TBC1D5: variants seen among roughly 807,000 people sequenced by gnomAD.
TBC1D5 encodes TBC1 domain family, member 5.
A neutral mutation model predicts 100.3 loss-of-function variants in TBC1D5; 75 were observed. That is an observed-to-expected ratio of 0.75 (90% CI 0.62 to 0.91). The LOEUF is 0.91. Among genes scored for constraint, TBC1D5 ranks in the 40% least tolerant of loss-of-function variants. The probability of loss-of-function intolerance (pLI) is 0.00; values close to 1 mark genes in which losing one functional copy is unlikely to be tolerated. For synonymous variants in TBC1D5, 323 were observed against 325.6 expected, an observed-to-expected ratio of 0.99 and a Z score of 0.09; for missense variants, 910 against 942.4, an observed-to-expected ratio of 0.97 and a Z score of 0.45.
chr3:17,258,374 T>A, intron 16 of TBC1D5, 132 bp downstream of exon 16: 1 of 836,404 alleles, frequency 1.2e-6, no homozygotes, highest in Non-Finnish European at 1.9e-6. Flanking sequence ...CTTGGGTAAT[T>A]TATTTAACAA....
chr3:17,648,014 C>T (rs965775653), intron 1 of TBC1D5, among the ~76,000 whole-genome samples: 8 of 152,126 alleles, frequency 5.3e-5, no homozygotes, highest in African/African-American at 1.7e-4. Flanking sequence ...AAAAAAGACA[C>T]CGAATAGCCA....
At chr3:17,280,606 T>C (rs764715312) in intron 15 of TBC1D5, among the ~76,000 whole-genome samples, 11 of 152,144 alleles carry the variant, frequency 7.2e-5, no homozygotes, top group Non-Finnish European at 1.5e-4. Context: ...TGGTGTCGCT[T>C]TGGAAAGCCG....
At chr3:17,389,441 T>C (rs973515985) in intron 8 of TBC1D5, among the ~76,000 whole-genome samples, 22 of 152,098 alleles carry the variant, frequency 1.4e-4, no homozygotes, top group African/African-American at 5.1e-4. Flanking sequence ...GTGTCAAAAG[T>C]GGTGGTGGAA....
chr3:17,626,117 C>T (rs1325498129), intron 1 of TBC1D5, among the ~76,000 whole-genome samples: 2 of 151,962 alleles, frequency 1.3e-5, no homozygotes, highest in African/African-American at 4.8e-5. Context: ...GAATAATTTA[C>T]CCTAATCAAA....
chr3:17,362,066 G>A (rs1007221225), intron 13 of TBC1D5, among the ~76,000 whole-genome samples: 1 of 151,954 alleles, frequency 6.6e-6, no homozygotes, highest in Non-Finnish European at 1.5e-5. Context: ...TCCACAAATG[G>A]TTCTGAAATA....
intron 3 of TBC1D5, among the ~76,000 whole-genome samples, chr3:17,444,141 TC>T (rs1232047081): frequency 6.6e-6 from 1 of 152,084 alleles, no homozygotes; most frequent in Admixed American, 6.5e-5. Context: ...TAACTTATAT[TC>T]CATTTCTTGG....
chr3:17,588,943 A>G (rs2096749722), intron 2 of TBC1D5, among the ~76,000 whole-genome samples: 1 of 152,236 alleles, frequency 6.6e-6, no homozygotes, highest in South Asian at 2.1e-4. Context: ...TTGTCTTAAC[A>G]AGGTTGGTAA....
At chr3:17,660,674 A>T (rs965772935) in intron 1 of TBC1D5, among the ~76,000 whole-genome samples, 1 of 152,208 alleles carries the variant, frequency 6.6e-6, no homozygotes, top group Non-Finnish European at 1.5e-5. Context: ...AGATAAATTT[A>T]AAAAGACAGG....
intron 21 of TBC1D5, among the ~76,000 whole-genome samples, chr3:17,162,178 TCACCCTGTCTGCCTACCC>T (rs1306929343): frequency 3.9e-5 from 6 of 152,182 alleles, no homozygotes; most frequent in African/African-American, 1.4e-4. Context: ...GCTGCCTCCC[TCACCCTGTCTGCCTACCC>T]TCCCCACAGC....
chr3:17,297,926 T>C (rs1367276316), intron 14 of TBC1D5, among the ~76,000 whole-genome samples: 2 of 152,070 alleles, frequency 1.3e-5, no homozygotes, highest in Non-Finnish European at 2.9e-5. Context: ...CTGTGAACAC[T>C]ATTGTAGTAA....
intron 8 of TBC1D5, among the ~76,000 whole-genome samples, chr3:17,384,786 A>G (rs1336845758): frequency 6.6e-6 from 1 of 152,090 alleles, no homozygotes; most frequent in Non-Finnish European, 1.5e-5. Flanking sequence ...GGAAAAGACA[A>G]TTCCATGAAA....
At chr3:17,412,093 G>C (rs1443516180) in intron 4 of TBC1D5, among the ~76,000 whole-genome samples, 1 of 152,174 alleles carries the variant, frequency 6.6e-6, no homozygotes, top group Non-Finnish European at 1.5e-5. Flanking sequence ...AAGTTAAAGA[G>C]TGGACAGATG....
At chr3:17,284,171 G>A (rs2080919855) in intron 15 of TBC1D5, among the ~76,000 whole-genome samples, 1 of 150,404 alleles carries the variant, frequency 6.6e-6, no homozygotes, top group South Asian at 2.1e-4. Flanking sequence ...AGGCTGGAGT[G>A]CAGTGGTGCA....
chr3:17,686,589 T>C (rs1418495715), intron 1 of TBC1D5, among the ~76,000 whole-genome samples: 3 of 152,164 alleles, frequency 2.0e-5, no homozygotes, highest in Non-Finnish European at 2.9e-5. Flanking sequence ...GTATACTGCC[T>C]ACAGTGCCCA....
chr3:17,341,936 C>T lies in TBC1D5; in HGVS notation c.995+30139G>A, dbSNP rs538037178. On this transcript the variant is annotated intron_variant, in intron 13 of 21. Coordinates refer to ENST00000253692, the Ensembl canonical transcript of TBC1D5. ...CTCTTCCCATCCCCAATACAGCATTCGCTGCCTACTTGTAGTTATCTTCCC... is the reference window on the plus strand; with the variant it reads ...CTCTTCCCATCCCCAATACAGCATTTGCTGCCTACTTGTAGTTATCTTCCC... 6.4e-4 allele frequency among the ~76,000 whole-genome samples: 98 copies of T among 152,258 alleles called. 4 individuals carry two copies. The South Asian group carries it at 0.012, about 18-fold the overall frequency.
intron 17 of TBC1D5, among the ~76,000 whole-genome samples, chr3:17,226,378 A>G (rs1201339204): frequency 2.0e-5 from 3 of 148,554 alleles, no homozygotes; most frequent in Non-Finnish European, 4.4e-5. Context: ...TTTAAAGCCT[A>G]TTCTTAGGGG....
intron 1 of TBC1D5, among the ~76,000 whole-genome samples, chr3:17,721,111 G>C (rs1200060521): frequency 6.6e-6 from 1 of 151,884 alleles, no homozygotes; most frequent in African/African-American, 2.4e-5. Flanking sequence ...AAAGTGCTGG[G>C]ATTACAGGGA....
At chr3:17,498,902 T>C (rs2095749647) in intron 3 of TBC1D5, among the ~76,000 whole-genome samples, 1 of 152,178 alleles carries the variant, frequency 6.6e-6, no homozygotes, top group African/African-American at 2.4e-5. Flanking sequence ...CTGGCTGTTT[T>C]ATTATATTGA....
chr3:17,666,258 T>C (rs1323088945), intron 1 of TBC1D5, among the ~76,000 whole-genome samples: 6 of 152,196 alleles, frequency 3.9e-5, no homozygotes, highest in Non-Finnish European at 7.4e-5. Flanking sequence ...AAAATACGTA[T>C]TGAGCACACA....
Sources: gnomAD v4.1 joint callset for allele counts (sites outside exome capture counted in the v4.1 genomes callset) on GRCh38, gnomAD v4.1.1 for gene constraint, MANE v1.5 for transcripts, NCBI Gene and HGNC (gene_info 2026-07-23, HGNC 2026-07-21) for gene names.